Variants in CDH13 observed in about 807,000 individuals in gnomAD.
CDH13 encodes the protein cadherin-13.
Under a neutral mutation model 63.8 loss-of-function variants are expected in CDH13, and 24 were observed. The observed-to-expected ratio is 0.38, with a 90% CI of 0.27 to 0.53. The LOEUF is 0.53. Ranked by LOEUF, CDH13 falls within the 20% of genes least tolerant of loss-of-function variation. The pLI is 0.85. For synonymous variants in CDH13, 503 were observed against 355.3 expected, an observed-to-expected ratio of 1.42 and a Z score of -4.67; for missense variants, 1,049 against 903.1, an observed-to-expected ratio of 1.16 and a Z score of -2.07.
At chr16:82,676,507 T>C (rs1306649985) in intron 1 of CDH13, among the ~76,000 whole-genome samples, 1 of 98,960 alleles carries the variant, frequency 1.0e-5, no homozygotes, top group South Asian at 3.5e-4. Context: ...TTTTTTTTTT[T>C]GCCTTGAATA....
chr16:83,658,413 A>C (rs552379949), intron 8 of CDH13, among the ~76,000 whole-genome samples: 41 of 124,376 alleles, frequency 3.3e-4, no homozygotes, highest in African/African-American at 1.3e-3. Context: ...CCTCACCACC[A>C]GGTCCCGTAT....
At chr16:83,124,857 G>A (rs1204275357) in intron 3 of CDH13, among the ~76,000 whole-genome samples, 2 of 152,056 alleles carry the variant, frequency 1.3e-5, no homozygotes, top group African/African-American at 4.8e-5. Flanking sequence ...TTTAGTTCTG[G>A]ATTCTCTGTT....
At position 82,697,423 on chromosome 16, in the gene CDH13, C is replaced by CTT. The variant is rs34376129; in HGVS notation, c.45+70309_45+70310dup. ...AAGGGGGCCAAGGCATTTCTTTTTT[C>CTT]TTTTTTTTTTTTTTTTTTTTTTTTG... On this transcript the variant is annotated intron_variant, in intron 1 of 13. Coordinates refer to ENST00000567109, the MANE Select transcript of CDH13 (RefSeq NM_001257.5). Among the ~76,000 whole-genome samples, 161 of 54,860 alleles carry CTT rather than the reference C, an allele frequency of 2.9e-3. 2 individuals are homozygous for CTT. The highest frequency in any genetic ancestry group is 3.7e-3 in the Non-Finnish European group (97 of 26,452). The allele number at this position is 54,860 out of a possible 152,430, so 36.0% of individuals were successfully genotyped here.
chr16:83,698,849 C>G (rs1296768129), intron 10 of CDH13, among the ~76,000 whole-genome samples: 2 of 152,268 alleles, frequency 1.3e-5, no homozygotes, highest in Non-Finnish European at 2.9e-5. Context: ...CTCAACTCGA[C>G]CATCGTAATC....
chr16:83,542,754 G>A (rs2150653882), intron 7 of CDH13, among the ~76,000 whole-genome samples: 1 of 152,280 alleles, frequency 6.6e-6, no homozygotes, highest in African/African-American at 2.4e-5. Context: ...GTCTCCGTGT[G>A]TGTCTTCACA....
chr16:83,790,712 T>C (rs1229182101), intron 13 of CDH13, among the ~76,000 whole-genome samples: 3 of 152,096 alleles, frequency 2.0e-5, no homozygotes, highest in Non-Finnish European at 4.4e-5. Context: ...CCGGTTGTTG[T>C]AGTATAAAGT....
intron 7 of CDH13, among the ~76,000 whole-genome samples, chr16:83,567,197 G>C (rs1435037471): frequency 6.6e-6 from 1 of 152,246 alleles, no homozygotes; most frequent in East Asian, 1.9e-4. Flanking sequence ...CCAGTGCCCA[G>C]TCATGGCTCT....
In CDH13 at chr16:82,878,189, C is replaced by T. The variant is rs140220155; in HGVS notation, c.157+19716C>T. 7.6e-3 allele frequency among the ~76,000 whole-genome samples: 1,151 copies of T among 152,036 alleles called. 24 individuals carry two copies. The highest frequency in any genetic ancestry group is 0.026 in the African/African-American group (1,087 of 41,492). ...CATTCCCCAGTCTGTGTCACTTAGA[C>T]GAAAAGGATCTCAGGGTGGGTGGCA... On this transcript the variant is annotated intron_variant, in intron 2 of 13. Coordinates refer to ENST00000567109, the MANE Select transcript of CDH13 (RefSeq NM_001257.5).
chr16:82,691,471 A>G (rs935744807), intron 1 of CDH13, among the ~76,000 whole-genome samples: 1 of 152,146 alleles, frequency 6.6e-6, no homozygotes, highest in Non-Finnish European at 1.5e-5. Flanking sequence ...GACAATTCTG[A>G]GGCCTGTGCC....
At chr16:83,066,066 A>ATGGATTATAT (rs2031987252) in intron 3 of CDH13, among the ~76,000 whole-genome samples, 2 of 152,332 alleles carry the variant, frequency 1.3e-5, no homozygotes, top group East Asian at 3.9e-4. Context: ...GAAAATACTC[A>ATGGATTATAT]TGGATTATAT....
chr16:82,794,918 C>G (rs57485873), intron 1 of CDH13, among the ~76,000 whole-genome samples: 1 of 152,084 alleles, frequency 6.6e-6, no homozygotes, highest in Non-Finnish European at 1.5e-5. Context: ...AGATTCAGGA[C>G]TTAAAGAAAT....
intron 2 of CDH13, among the ~76,000 whole-genome samples, chr16:82,902,968 C>T (rs1257230296): frequency 6.6e-6 from 1 of 152,190 alleles, no homozygotes; most frequent in African/African-American, 2.4e-5. Flanking sequence ...TCATCTTTGT[C>T]TTCATGGCTA....
intron 4 of CDH13, among the ~76,000 whole-genome samples, chr16:83,134,349 C>A (rs901100536): frequency 7.9e-5 from 12 of 152,078 alleles, no homozygotes; most frequent in Non-Finnish European, 1.5e-5. Context: ...GCCACCATGC[C>A]CAGTTAATTT....
intron 7 of CDH13, among the ~76,000 whole-genome samples, chr16:83,588,258 G>C (rs1257386270): frequency 6.6e-6 from 1 of 152,250 alleles, no homozygotes; most frequent in Non-Finnish European, 1.5e-5. Flanking sequence ...AGGCTTTCTA[G>C]AGACTGATTC....
intron 1 of CDH13, among the ~76,000 whole-genome samples, chr16:82,764,443 G>T (rs2034973997): frequency 6.6e-6 from 1 of 152,184 alleles, no homozygotes; most frequent in Non-Finnish European, 1.5e-5. Flanking sequence ...TCAAATCTAT[G>T]TTCAGAAGAG....
chr16:83,140,577 C>T (rs1395840408), intron 4 of CDH13, among the ~76,000 whole-genome samples: 1 of 152,154 alleles, frequency 6.6e-6, no homozygotes, highest in African/African-American at 2.4e-5. Flanking sequence ...CCTCAGCCCC[C>T]AGGGTAGCTG....
intron 5 of CDH13, among the ~76,000 whole-genome samples, chr16:83,249,479 C>A (rs1368837167): frequency 2.6e-5 from 4 of 152,324 alleles, no homozygotes; most frequent in Non-Finnish European, 4.4e-5. Flanking sequence ...TTAACTTTCT[C>A]TGCTTGAGGC....
chr16:83,074,562 T>A (rs73598123), intron 3 of CDH13, among the ~76,000 whole-genome samples: 5,112 of 152,296 alleles, frequency 0.034, 283 homozygotes, highest in African/African-American at 0.12. Context: ...AGTGATTTTT[T>A]AAGAAATATC....
At chr16:83,535,617 T>C (rs995316731) in intron 7 of CDH13, among the ~76,000 whole-genome samples, 1 of 152,218 alleles carries the variant, frequency 6.6e-6, no homozygotes, top group Non-Finnish European at 1.5e-5. Flanking sequence ...GAAGGTGTTA[T>C]GCATGGTGCT....
Sources: gnomAD v4.1 joint callset for allele counts (sites outside exome capture counted in the v4.1 genomes callset) on GRCh38, gnomAD v4.1.1 for gene constraint, MANE v1.5 for transcripts, NCBI Gene and HGNC (gene_info 2026-07-23, HGNC 2026-07-21) for gene names.